The following MOCS3 variants were observed in gnomAD, a reference collection of about 807,000 sequenced individuals.
MOCS3 encodes the protein adenylyltransferase and sulfurtransferase MOCS3.
Under a neutral mutation model 8.4 loss-of-function variants are expected in MOCS3, and 9 were observed. The observed-to-expected ratio is 1.07, with a 90% confidence interval of 0.65 to 1.87. The LOEUF (loss-of-function observed/expected upper bound fraction) is 1.87. MOCS3 is among the 40% of genes most tolerant of loss of function. MOCS3 has a pLI of 0.00. For missense variants in MOCS3, 581 were observed against 599.7 expected (o/e 0.97, Z 0.33); for synonymous variants, 294 against 272.0 (o/e 1.08, Z -0.80).
At position 50,959,256 on chromosome 20, in the gene MOCS3, C is replaced by CT; in HGVS notation, c.418dup (p.Ser140PhefsTer35). 6.2e-7 allele frequency: 1 copy of CT among 1,610,394 alleles called. No individual in the cohort carries two copies. Among genetic ancestry groups the CT allele is most frequent in the Non-Finnish European group, 8.5e-7 (1 of 1,179,338 alleles). On this transcript the variant is annotated frameshift_variant, in exon 1 of 1. Coordinates refer to ENST00000244051, the MANE Select transcript of MOCS3 (RefSeq NM_014484.5). LOFTEE classifies it low-confidence loss of function (END_TRUNC). ...AGGCACTGGCTGGCCAGGCCAAGGC[C>CT]TTTTCGGCCGCCGCCTCGCTGCGCC...
In MOCS3 at chr20:50,959,575, C is replaced by A; in HGVS notation, c.733C>A (p.Leu245Ile). 6.2e-7 allele frequency: 1 copy of A among 1,614,166 alleles called. No individual in the cohort carries two copies. The highest frequency in any genetic ancestry group is 8.5e-7 in the Non-Finnish European group (1 of 1,180,052). The change falls in exon 1 of 1, where the codon CTC (leucine) becomes ATC (isoleucine). Residue 245 changes from leucine (L) to isoleucine (I), a missense_variant. Physicochemically the swap from Leu to Ile is conservative, Grantham distance 5. Coordinates refer to ENST00000244051, the MANE Select transcript of MOCS3 (RefSeq NM_014484.5). ...TVTNCADGGV[L>I]GVVTGVLGCL... ...GACCAACTGCGCGGACGGCGGGGTG[C>A]TCGGTGTCGTTACCGGGGTCCTGGG...
In MOCS3 at chr20:50,962,372, G is replaced by A. The variant is rs1987119961; in HGVS notation, c.*2147G>A. 1 of 152,174 alleles carries A rather than the reference G, an allele frequency of 6.6e-6. No individual in the cohort carries two copies. Among genetic ancestry groups the A allele is most frequent in the Non-Finnish European group, 1.5e-5 (1 of 68,036 alleles). The allele number at this position is 152,174 out of a possible 1,614,324, so 9.4% of individuals were successfully genotyped here. ...CCTGGTAGGCAGAGTCTAATTACAT[G>A]CCTACATCTTAGCTGCAAGAGAGGC... is the stretch of plus-strand genomic sequence containing the variant. On this transcript the variant is annotated 3_prime_UTR_variant, in exon 1 of 1. Coordinates refer to ENST00000244051, the MANE Select transcript of MOCS3 (RefSeq NM_014484.5).
rs1987110449 is a variant in MOCS3, at chr20:50,961,913, TG to T, written c.*1689del. On this transcript the variant is annotated 3_prime_UTR_variant, in exon 1 of 1. Coordinates refer to ENST00000244051, the MANE Select transcript of MOCS3 (RefSeq NM_014484.5). ...TCCTTCTTCCAGGGACAACTGATTC[TG>T]ATACATAGCAGGAAACAAATAGCGA... is the stretch of plus-strand genomic sequence containing the variant. 1 of 152,238 alleles carries T rather than the reference TG, an allele frequency of 6.6e-6. No individual in the cohort carries two copies. The highest frequency in any genetic ancestry group is 1.5e-5 in the Non-Finnish European group (1 of 68,050). 9.4% of individuals were successfully genotyped at this position (152,238 alleles called of 1,614,324 possible). A position where few individuals can be genotyped will look rare whatever the true frequency, so the allele number is the denominator to read the frequency against.
At position 50,959,649 on chromosome 20, in the gene MOCS3, C is replaced by T. The variant is rs1340175284; in HGVS notation, c.807C>T (p.Pro269=). The T allele has an allele frequency of 6.2e-7, 1 of 1,614,196 alleles. No individual in the cohort carries two copies. Among genetic ancestry groups the T allele is most frequent in the African/African-American group, 1.3e-5 (1 of 75,064 alleles). ...EVLKIAAGLG[P]SYSGSLLLFD... ...TGAAAATCGCTGCGGGTCTGGGCCC[C>T]TCTTACAGTGGCAGCTTGTTGCTCT... Residue 269 remains proline, a synonymous_variant, in exon 1 of 1, where the codon CCC becomes CCT. Coordinates refer to ENST00000244051, the MANE Select transcript of MOCS3 (RefSeq NM_014484.5).
Position 50,958,856 on chromosome 20 carries a change from A to C in MOCS3, c.14A>C (p.Glu5Ala). The C allele has an allele frequency of 6.3e-7, 1 of 1,590,710 alleles. No homozygotes were observed. ...GAAGAGGTCGCCATGGCTTCCCGGG[A>C]GGAGGTACTCGCCTTACAAGCTGAA... The part of the protein sequence containing the change: MASR[E>A]EVLALQAEVA... The change falls in exon 1 of 1, where the codon GAG becomes GCG. Residue 5 changes from glutamate to alanine, a missense_variant. Physicochemically the swap from Glu to Ala is moderately radical, Grantham distance 107. Coordinates refer to ENST00000244051, the MANE Select transcript of MOCS3 (RefSeq NM_014484.5).
rs1048524957 is a variant in MOCS3 at position 50,963,113 on chromosome 20, A to G, written c.*2888A>G. ...TTAATTTAAAAATTTTTTGGTAGCA[A>G]TGGGGTCTGAATATGTGGCCTAGGC... is the stretch of plus-strand genomic sequence containing the variant. On this transcript the variant is annotated 3_prime_UTR_variant, in exon 1 of 1. Coordinates refer to ENST00000244051, the MANE Select transcript of MOCS3 (RefSeq NM_014484.5). The G allele has an allele frequency of 2.6e-5, 4 of 151,944 alleles. No homozygotes were observed. The highest frequency in any genetic ancestry group is 4.8e-5 in the African/African-American group (2 of 41,342). The allele number at this position is 151,944 out of a possible 1,614,324, so 9.4% of individuals were successfully genotyped here.
At position 50,959,918 on chromosome 20, in the gene MOCS3, A is replaced by T; in HGVS notation, c.1076A>T (p.Gln359Leu). The change falls in exon 1 of 1, where the codon CAG becomes CTG. Residue 359 changes from glutamine to leucine, a missense_variant. Gln to Leu is a moderately radical substitution (Grantham distance 113, BLOSUM62 -2). Transcript: ENST00000244051. ...AFHLLLDVRPQVEVDICRLPH... is the reference protein window; with the variant it reads ...AFHLLLDVRPLVEVDICRLPH... ...CACCTGTTGCTGGACGTCAGGCCTC[A>T]GGTGGAGGTGGACATTTGTCGTTTG... 1 of 1,614,252 alleles carries T rather than the reference A, an allele frequency of 6.2e-7. No homozygotes were observed. The highest frequency in any genetic ancestry group is 8.5e-7 in the Non-Finnish European group (1 of 1,180,036).
Position 50,963,305 on chromosome 20 carries a change from A to G in MOCS3, c.*3080A>G, listed in dbSNP as rs970659937. Reference sequence around the variant, plus strand: ...GTGTACTAGTTCTTCTAGGTTCTGGAATAAAAATGAGCAAGAGGTTTCCTG... The same window carrying G: ...GTGTACTAGTTCTTCTAGGTTCTGGGATAAAAATGAGCAAGAGGTTTCCTG... On this transcript the variant is annotated 3_prime_UTR_variant, in exon 1 of 1. Transcript: ENST00000244051. The G allele has an allele frequency of 6.6e-6, 1 of 152,206 alleles. No homozygotes were observed. Among genetic ancestry groups the G allele is most frequent in the Non-Finnish European group, 1.5e-5 (1 of 68,040 alleles). The allele number at this position is 152,206 out of a possible 1,614,324, so 9.4% of individuals were successfully genotyped here.
chr20:50,959,336 C>G lies in MOCS3; in HGVS notation c.494C>G (p.Thr165Ser), dbSNP rs113379039. ...VPYTQALTPA[T>S]ALDLVRRYDV... is the part of the protein sequence containing the mutation. The stretch of plus-strand genomic sequence containing the variant: ...TACACTCAGGCCCTTACGCCAGCCA[C>G]TGCCCTAGACCTGGTCCGCCGATAT... Residue 165 changes from threonine to serine, a missense_variant, in exon 1 of 1, where the codon ACT (threonine) becomes AGT (serine). Thr to Ser is a moderately conservative substitution (Grantham distance 58). Transcript: ENST00000244051. 70 of 1,610,286 alleles carry G rather than the reference C, an allele frequency of 4.3e-5. 1 individual carries two copies. In the African/African-American group the frequency reaches 7.5e-4, roughly 17 times the overall value.
Position 50,960,317 on chromosome 20 carries a change from C to T in MOCS3, c.*92C>T. ...CATTTTTCGGTAATATACATAGGAG[C>T]TGGGGATTCTACAGTATCTGTGAAT... On this transcript the variant is annotated 3_prime_UTR_variant, in exon 1 of 1. Coordinates refer to ENST00000244051, the MANE Select transcript of MOCS3 (RefSeq NM_014484.5). 7.5e-7 allele frequency: 1 copy of T among 1,330,750 alleles called. No individual in the cohort carries two copies. The highest frequency in any genetic ancestry group is 2.8e-5 in the Admixed American group (1 of 35,568). The allele number at this position is 1,330,750 out of a possible 1,614,324, so 82.4% of individuals were successfully genotyped here. A position where few individuals can be genotyped will look rare whatever the true frequency, so the allele number is the denominator to read the frequency against.
At position 50,959,590 on chromosome 20, in the gene MOCS3, G is replaced by A. The variant is rs1987037628; in HGVS notation, c.748G>A (p.Gly250Arg). The change falls in exon 1 of 1, where the codon GGG (glycine) becomes AGG (arginine). Residue 250 changes from glycine to arginine, a missense_variant. Gly to Arg is a moderately radical substitution (Grantham distance 125). Transcript: ENST00000244051. ...ADGGVLGVVT[G>R]VLGCLQALEV... ...CGGCGGGGTGCTCGGTGTCGTTACC[G>A]GGGTCCTGGGCTGCCTGCAGGCCTT... The A allele has an allele frequency of 1.2e-6, 2 of 1,614,116 alleles. No homozygotes were observed. The highest frequency in any genetic ancestry group is 8.5e-7 in the Non-Finnish European group (1 of 1,180,034).
In MOCS3 at chr20:50,959,901, G is replaced by T; in HGVS notation, c.1059G>T (p.Leu353Phe). The change falls in exon 1 of 1, where the codon TTG (leucine) becomes TTT (phenylalanine). Residue 353 changes from leucine to phenylalanine, a missense_variant. Coordinates refer to ENST00000244051, the MANE Select transcript of MOCS3 (RefSeq NM_014484.5). ...RLLDSGAFHL[L>F]LDVRPQVEVD... is the part of the protein sequence containing the mutation. ...TGGATTCTGGGGCATTCCACCTGTT[G>T]CTGGACGTCAGGCCTCAGGTGGAGG... 1.2e-6 allele frequency: 2 copies of T among 1,614,256 alleles called. No homozygotes were observed. Among genetic ancestry groups the T allele is most frequent in the Non-Finnish European group, 1.7e-6 (2 of 1,180,042 alleles).
rs1343570368 is a variant in MOCS3, at chr20:50,960,128, C to T, written c.1286C>T (p.Ser429Leu). The T allele has an allele frequency of 3.1e-6, 5 of 1,614,136 alleles. No homozygotes were observed. Among genetic ancestry groups the T allele is most frequent in the South Asian group, 1.1e-5 (1 of 91,096 alleles). ...GCCGTGAAGATCCTCCAGTCCTTAT[C>T]AGCAGCTCAAGAGTTAGACCCTTTA... Reference protein sequence around the residue: ...QKAVKILQSLSAAQELDPLTV... With the variant: ...QKAVKILQSLLAAQELDPLTV... Residue 429 changes from serine (S) to leucine (L), a missense_variant, in exon 1 of 1, where the codon TCA becomes TTA. By Grantham distance (145) the Ser-to-Leu change is moderately radical. Coordinates refer to ENST00000244051, the MANE Select transcript of MOCS3 (RefSeq NM_014484.5).
chr20:50,959,114 G>T lies in MOCS3; in HGVS notation c.272G>T (p.Gly91Val), dbSNP rs754339399. ...GCGTGCGTGCTAATCGTGGGCTGCGGTGGGCTCGGCTGTCCACTAGCGCAG... is the reference window on the plus strand; with the variant it reads ...GCGTGCGTGCTAATCGTGGGCTGCGTTGGGCTCGGCTGTCCACTAGCGCAG... Reference protein sequence around the residue: ...GTACVLIVGCGGLGCPLAQYL... With the variant: ...GTACVLIVGCVGLGCPLAQYL... Residue 91 changes from glycine (G) to valine (V), a missense_variant, in exon 1 of 1, where the codon GGT becomes GTT. Transcript: ENST00000244051. 1.2e-6 allele frequency: 2 copies of T among 1,613,042 alleles called. No individual in the cohort carries two copies. Among genetic ancestry groups the T allele is most frequent in the African/African-American group, 2.7e-5 (2 of 74,956 alleles).
Position 50,960,375 on chromosome 20 carries a change from ATTG to A in MOCS3, c.*153_*155del. The A allele has an allele frequency of 1.3e-6, 1 of 766,642 alleles. No homozygotes were observed. The highest frequency in any genetic ancestry group is 3.3e-5 in the Admixed American group (1 of 29,988). 47.5% of individuals were successfully genotyped at this position (766,642 alleles called of 1,614,324 possible). ...CTCCTTTTTATAAGGAGTTTTAAAA[ATTG>A]TTATGTATTGGATGAATGACTTATT... On this transcript the variant is annotated 3_prime_UTR_variant, in exon 1 of 1. Transcript: ENST00000244051.
chr20:50,959,302 T>C lies in MOCS3; in HGVS notation c.460T>C (p.Cys154Arg), dbSNP rs773584737. The C allele has an allele frequency of 3.1e-6, 5 of 1,610,606 alleles. No homozygotes were observed. The highest frequency in any genetic ancestry group is 3.4e-6 in the Non-Finnish European group (4 of 1,179,470). ...SLRRLNSAVECVPYTQALTPA... is the reference protein window; with the variant it reads ...SLRRLNSAVERVPYTQALTPA... ...GCGCCGCCTCAATTCGGCAGTGGAA[T>C]GCGTGCCGTACACTCAGGCCCTTAC... The change falls in exon 1 of 1, where the codon TGC becomes CGC. Residue 154 changes from cysteine to arginine, a missense_variant. Physicochemically the swap from Cys to Arg is radical, Grantham distance 180. Transcript: ENST00000244051.
rs764279996 is a variant in MOCS3 at position 50,959,595 on chromosome 20, C to G, written c.753C>G (p.Val251=). The change falls in exon 1 of 1, where the codon GTC becomes GTG. Residue 251 remains valine, a synonymous_variant. Coordinates refer to ENST00000244051, the MANE Select transcript of MOCS3 (RefSeq NM_014484.5). ...DGGVLGVVTG[V]LGCLQALEVL... is the part of the protein sequence containing the mutation. The stretch of plus-strand genomic sequence containing the variant: ...GGGTGCTCGGTGTCGTTACCGGGGT[C>G]CTGGGCTGCCTGCAGGCCTTGGAAG... The G allele has an allele frequency of 1.2e-6, 2 of 1,614,144 alleles. No individual in the cohort carries two copies. Among genetic ancestry groups the G allele is most frequent in the Non-Finnish European group, 8.5e-7 (1 of 1,180,034 alleles).
In MOCS3 at chr20:50,959,439, C is replaced by T; in HGVS notation, c.597C>T (p.Pro199=). 14 of 1,613,964 alleles carry T rather than the reference C, an allele frequency of 8.7e-6. No individual in the cohort carries two copies. The highest frequency in any genetic ancestry group is 1.2e-5 in the Non-Finnish European group (14 of 1,180,030). ...ACGCATGTGTGCTGGCGGGTCGGCC[C>T]CTCGTGTCTGCCAGTGCCTTGCGCT... ...VNDACVLAGR[P]LVSASALRFE... is the part of the protein sequence containing the mutation. Residue 199 remains proline, a synonymous_variant, in exon 1 of 1, where the codon CCC becomes CCT. Transcript: ENST00000244051.
Position 50,959,819 on chromosome 20 carries a change from C to T in MOCS3, c.977C>T (p.Ser326Phe). The T allele has an allele frequency of 6.2e-7, 1 of 1,614,246 alleles. No individual in the cohort carries two copies. The highest frequency in any genetic ancestry group is 8.5e-7 in the Non-Finnish European group (1 of 1,180,042). ...TCCTCAGCCACTGATAAATGCCGCT[C>T]CCTGCAACTACTGAGCCCAGAGGAG... is the stretch of plus-strand genomic sequence containing the variant. Reference protein sequence around the residue: ...CGSSATDKCRSLQLLSPEERV... With the variant: ...CGSSATDKCRFLQLLSPEERV... The change falls in exon 1 of 1, where the codon TCC becomes TTC. Residue 326 changes from serine (S) to phenylalanine (F), a missense_variant. By Grantham distance (155) the Ser-to-Phe change is radical (BLOSUM62 -2). Transcript: ENST00000244051.
Sources: allele counts gnomAD v4.1 joint callset, GRCh38; gene constraint gnomAD v4.1.1; transcripts MANE v1.5; gene names NCBI Gene and HGNC (gene_info 2026-07-23, HGNC 2026-07-21).